The following ZFYVE19 variants were observed in gnomAD, a reference collection of about 807,000 sequenced individuals.
ZFYVE19 encodes the protein abscission/NoCut checkpoint regulator.
Under a neutral mutation model 62.8 loss-of-function variants are expected in ZFYVE19, and 49 were observed. That is an observed-to-expected ratio of 0.78 (90% CI 0.62 to 0.99). ZFYVE19 has a LOEUF of 0.99. ZFYVE19 is among the 50% of genes least tolerant of loss of function. The probability of loss-of-function intolerance (pLI) is 0.00; values close to 1 mark genes in which losing one functional copy is unlikely to be tolerated. For synonymous variants in ZFYVE19, 242 were observed against 234.3 expected, an observed-to-expected ratio of 1.03 and a Z score of -0.30; for missense variants, 630 against 601.9, an observed-to-expected ratio of 1.05 and a Z score of -0.49.
At position 40,807,614 on chromosome 15, in the gene ZFYVE19, C is replaced by T. The variant is rs1248164848; in HGVS notation, c.25C>T (p.Pro9Ser). The T allele has an allele frequency of 3.1e-6, 5 of 1,612,842 alleles. No individual in the cohort carries two copies. Among genetic ancestry groups the T allele is most frequent in the Non-Finnish European group, 4.2e-6 (5 of 1,179,594 alleles). The part of the protein sequence containing the change: MNYDSQQP[P>S]LPPLPYAGCR... ...AATGAACTACGACTCCCAGCAGCCC[C>T]CGTTGCCGCCGCTGCCGTACGCTGG... Residue 9 changes from proline (P) to serine (S), a missense_variant, in exon 1 of 11, where the codon CCG becomes TCG. Pro to Ser is a moderately conservative substitution (Grantham distance 74). Transcript: ENST00000355341.
At position 40,812,911 on chromosome 15, in the gene ZFYVE19, TG is replaced by T; in HGVS notation, c.1030+13del. ...ACAGGACCCCGAGAGAGGTGAAGGC[TG>T]GGGAGCAGCTGCTCACTGGTATCCC... On this transcript the variant is annotated intron_variant, in intron 7 of 10. Transcript: ENST00000355341. The T allele has an allele frequency of 6.2e-7, 1 of 1,607,986 alleles. No homozygotes were observed. The highest frequency in any genetic ancestry group is 2.2e-5 in the East Asian group (1 of 44,866).
intron 10 of ZFYVE19, 22 bp from the exon 11 acceptor site, chr15:40,814,126 C>T (rs749506090): frequency 1.9e-6 from 3 of 1,614,222 alleles, no homozygotes; most frequent in South Asian, 1.1e-5. Context: ...GGATCCCTGA[C>T]TTGTATCCCT....
In ZFYVE19 at chr15:40,809,141, G is replaced by C. The variant is rs746574552; in HGVS notation, c.302G>C (p.Arg101Thr). ...TAGTACGGCTGTAAGAATTGTGGCAGGGCCTTCTGTTCAGGCTGCCTAAGC... is the reference window on the plus strand; with the variant it reads ...TAGTACGGCTGTAAGAATTGTGGCACGGCCTTCTGTTCAGGCTGCCTAAGC... ...KKEYGCKNCG[R>T]AFCSGCLSFS... The change falls in exon 2 of 11, where the codon AGG (arginine) becomes ACG (threonine). Residue 101 changes from arginine (R) to threonine (T), a missense_variant. By Grantham distance (71) the Arg-to-Thr change is moderately conservative. Coordinates refer to ENST00000355341, the MANE Select transcript of ZFYVE19 (RefSeq NM_001077268.2). 1 of 1,614,158 alleles carries C rather than the reference G, an allele frequency of 6.2e-7. No individual in the cohort carries two copies. Among genetic ancestry groups the C allele is most frequent in the African/African-American group, 1.3e-5 (1 of 75,046 alleles).
In ZFYVE19 at chr15:40,814,453, A is replaced by G; in HGVS notation, c.*227A>G. ...ATTAGAAGCCCAGACTGGAAGTGAG[A>G]GGCATGATGGGGAGAGACCAGACTG... On this transcript the variant is annotated 3_prime_UTR_variant, in exon 11 of 11. Coordinates refer to ENST00000355341, the MANE Select transcript of ZFYVE19 (RefSeq NM_001077268.2). The G allele has an allele frequency of 1.7e-6, 1 of 591,784 alleles. No homozygotes were observed. Among genetic ancestry groups the G allele is most frequent in the Non-Finnish European group, 3.0e-6 (1 of 336,670 alleles). 36.7% of individuals were successfully genotyped at this position (591,784 alleles called of 1,614,324 possible). A position where few individuals can be genotyped will look rare whatever the true frequency, so the allele number is the denominator to read the frequency against.
In ZFYVE19 at chr15:40,813,812, G is replaced by A. The variant is rs750988410; in HGVS notation, c.1209+1G>A. On this transcript the variant is annotated splice_donor_variant, in intron 9 of 10. Coordinates refer to ENST00000355341, the MANE Select transcript of ZFYVE19 (RefSeq NM_001077268.2). LOFTEE classifies it high-confidence loss of function. ...GCAACCCCGCGGGGCAGAGCCTGAG[G>A]TGAGAAAAGCCCCAGATGCAGACCC... is the stretch of plus-strand genomic sequence containing the variant. The A allele has an allele frequency of 1.3e-5, 21 of 1,612,450 alleles. No homozygotes were observed. In the East Asian group the frequency reaches 4.7e-4, roughly 36 times the overall value.
chr15:40,813,998 G>A lies in ZFYVE19; in HGVS notation c.1265G>A (p.Cys422Tyr), dbSNP rs746934000. 2 of 1,613,822 alleles carry A rather than the reference G, an allele frequency of 1.2e-6. No homozygotes were observed. Among genetic ancestry groups the A allele is most frequent in the Non-Finnish European group, 8.5e-7 (1 of 1,179,854 alleles). The change falls in exon 10 of 11, where the codon TGC (cysteine) becomes TAC (tyrosine). Residue 422 changes from cysteine to tyrosine, a missense_variant. By Grantham distance (194) the Cys-to-Tyr change is radical. Coordinates refer to ENST00000355341, the MANE Select transcript of ZFYVE19 (RefSeq NM_001077268.2). ...EAEEEELPWC[C>Y]ICNEDATLRC... ...GAGGAAGAGGAGCTCCCCTGGTGCT[G>A]CATCTGCAATGAGGATGCCACCCTA...
intron 3 of ZFYVE19, 124 bp from the exon 4 acceptor site, chr15:40,809,728 G>C: frequency 9.2e-7 from 1 of 1,082,094 alleles, no homozygotes; most frequent in Non-Finnish European, 1.4e-6. Flanking sequence ...GGGCACAGCA[G>C]ATTGCCCATT....
Position 40,814,524 on chromosome 15 carries a change from T to A in ZFYVE19, c.*298T>A. On this transcript the variant is annotated 3_prime_UTR_variant, in exon 11 of 11. Transcript: ENST00000355341. ...AACCTGGCTCTAGGGCACAGGCCCC[T>A]CCCCTGGCACTTAGTGGGTCTAATA... is the stretch of plus-strand genomic sequence containing the variant. 1 of 469,872 alleles carries A rather than the reference T, an allele frequency of 2.1e-6. No individual in the cohort carries two copies. Among genetic ancestry groups the A allele is most frequent in the Non-Finnish European group, 3.9e-6 (1 of 255,686 alleles). 29.1% of individuals were successfully genotyped at this position (469,872 alleles called of 1,614,324 possible). A position where few individuals can be genotyped will look rare whatever the true frequency, so the allele number is the denominator to read the frequency against.
chr15:40,808,480 T>C, intron 1 of ZFYVE19: 1 of 1,484,328 alleles, frequency 6.7e-7, no homozygotes. Flanking sequence ...CGTGCAGCAT[T>C]CACCAACCTG....
chr15:40,813,734 G>C lies in ZFYVE19; in HGVS notation c.1132G>C (p.Asp378His). ...GCAGCTCACTGAAGAAGCTTCCCTG[G>C]ATGAGGCAAGTGGCTTTAACATCCC... is the stretch of plus-strand genomic sequence containing the variant. ...LQQLTEEASL[D>H]EASGFNIPAE... The change falls in exon 9 of 11, where the codon GAT becomes CAT. Residue 378 changes from aspartate (D) to histidine (H), a missense_variant. Asp to His is a moderately conservative substitution (Grantham distance 81). Transcript: ENST00000355341. The C allele has an allele frequency of 6.2e-7, 1 of 1,614,018 alleles. No individual in the cohort carries two copies. Among genetic ancestry groups the C allele is most frequent in the Non-Finnish European group, 8.5e-7 (1 of 1,179,970 alleles).
Position 40,810,088 on chromosome 15 carries a change from G to A in ZFYVE19, c.589G>A (p.Ala197Thr). Reference sequence around the variant, plus strand: ...AATTGCAGAGTTAGTCCCCTCACAGGCAGAGATAGAGGCACGGCTGGCTGC... The same window carrying A: ...AATTGCAGAGTTAGTCCCCTCACAGACAGAGATAGAGGCACGGCTGGCTGC... ...ENKPKLVPSQ[A>T]EIEARLAALK... Residue 197 changes from alanine (A) to threonine (T), a missense_variant, in exon 5 of 11, where the codon GCA (alanine) becomes ACA (threonine). Coordinates refer to ENST00000355341, the MANE Select transcript of ZFYVE19 (RefSeq NM_001077268.2). The A allele has an allele frequency of 1.2e-6, 2 of 1,614,170 alleles. No individual in the cohort carries two copies. Among genetic ancestry groups the A allele is most frequent in the Non-Finnish European group, 1.7e-6 (2 of 1,180,040 alleles).
At position 40,814,070 on chromosome 15, in the gene ZFYVE19, G is replaced by A. The variant is rs750089047; in HGVS notation, c.1337G>A (p.Arg446Gln). The A allele has an allele frequency of 1.2e-5, 20 of 1,614,064 alleles. No individual in the cohort carries two copies. Among genetic ancestry groups the A allele is most frequent in the Admixed American group, 3.3e-5 (2 of 60,018 alleles). ...GACCTCTTCTGTGCCCGCTGCTTCC[G>A]GTGGGTGCAGGTGGAATGTTCTGTG... ...DGDLFCARCF[R>Q]EGHDAFELKE... Residue 446 changes from arginine (R) to glutamine (Q), a missense_variant and splice_region_variant, in exon 10 of 11, where the codon CGA (arginine) becomes CAA (glutamine). By Grantham distance (43) the Arg-to-Gln change is conservative. Coordinates refer to ENST00000355341, the MANE Select transcript of ZFYVE19 (RefSeq NM_001077268.2).
Position 40,814,031 on chromosome 15 carries a change from C to T in ZFYVE19, c.1298C>T (p.Ala433Val). The T allele has an allele frequency of 6.2e-7, 1 of 1,614,106 alleles. No homozygotes were observed. Among genetic ancestry groups the T allele is most frequent in the East Asian group, 2.2e-5 (1 of 44,870 alleles). Residue 433 changes from alanine (A) to valine (V), a missense_variant, in exon 10 of 11, where the codon GCT becomes GTT. By Grantham distance (64) the Ala-to-Val change is moderately conservative (BLOSUM62 0). Coordinates refer to ENST00000355341, the MANE Select transcript of ZFYVE19 (RefSeq NM_001077268.2). ...AATGAGGATGCCACCCTACGCTGCG[C>T]TGGCTGCGATGGGGACCTCTTCTGT... ...ICNEDATLRC[A>V]GCDGDLFCAR...
intron 5 of ZFYVE19, 32 bp from the exon 6 acceptor site, chr15:40,810,617 T>A (rs776256282): frequency 2.5e-4 from 387 of 1,552,056 alleles, no homozygotes; most frequent in Non-Finnish European, 3.2e-4. Flanking sequence ...GGGCTACCCC[T>A]GCTCTCCACT....
intron 3 of ZFYVE19, 92 bp from the exon 4 acceptor site, chr15:40,809,760 G>A: frequency 7.1e-7 from 1 of 1,413,462 alleles, no homozygotes; most frequent in Non-Finnish European, 9.9e-7. Flanking sequence ...TAAGTGCCCA[G>A]AAATGATTTG....
rs376086880 is a variant in ZFYVE19 at position 40,813,850 on chromosome 15, C to A, written c.1209+39C>A. 1.3e-4 allele frequency: 201 copies of A among 1,602,002 alleles called. 1 individual carries two copies. Among genetic ancestry groups the A allele is most frequent in the Admixed American group, 8.5e-4 (49 of 57,842 alleles). ...CAGATGCAGACCCCCAGGCTCCCCC[C>A]AGCCTTGCTTCCTGCCTGGCTGACT... On this transcript the variant is annotated intron_variant, in intron 9 of 10. Coordinates refer to ENST00000355341, the MANE Select transcript of ZFYVE19 (RefSeq NM_001077268.2).
At position 40,809,481 on chromosome 15, in the gene ZFYVE19, C is replaced by CA. The variant is rs764821018; in HGVS notation, c.452+26dup. 2.7e-5 allele frequency: 44 copies of CA among 1,613,296 alleles called. No homozygotes were observed. The South Asian group carries it at 4.7e-4, about 17-fold the overall frequency. On this transcript the variant is annotated intron_variant, in intron 3 of 10. Coordinates refer to ENST00000355341, the MANE Select transcript of ZFYVE19 (RefSeq NM_001077268.2). ...GAAGTAAGTGCTGAAGAGAAAAAGA[C>CA]AAAGAGCATTGGGGAAAGGATAAGG...
chr15:40,810,776 T>C lies in ZFYVE19; in HGVS notation c.826+19T>C, dbSNP rs1890462945. On this transcript the variant is annotated intron_variant, in intron 6 of 10. Transcript: ENST00000355341. ...GGCCCAGGTAACCCCTCCACTTGGC[T>C]CCCTAGGAATCTGCCCTACCTCTTT... 1 of 1,552,098 alleles carries C rather than the reference T, an allele frequency of 6.4e-7. No individual in the cohort carries two copies. Among genetic ancestry groups the C allele is most frequent in the South Asian group, 1.2e-5 (1 of 84,070 alleles).
At position 40,807,283 on chromosome 15, in the gene ZFYVE19, G is replaced by T. The variant is rs751780650; in HGVS notation, c.-307G>T. 1.2e-6 allele frequency: 2 copies of T among 1,610,696 alleles called. No individual in the cohort carries two copies. Among genetic ancestry groups the T allele is most frequent in the South Asian group, 1.1e-5 (1 of 90,618 alleles). ...CGCCCAGGACCCGAATGAACCTGGAGAGCGGATGCCAGCAGTGGCCGAGGC... is the reference window on the plus strand; with the variant it reads ...CGCCCAGGACCCGAATGAACCTGGATAGCGGATGCCAGCAGTGGCCGAGGC... On this transcript the variant is annotated 5_prime_UTR_variant, in exon 1 of 11. Transcript: ENST00000355341.
Sources: allele counts gnomAD v4.1 joint callset, GRCh38; gene constraint gnomAD v4.1.1; transcripts MANE v1.5; gene names NCBI Gene and HGNC (gene_info 2026-07-23, HGNC 2026-07-21).